MTUS1: variants seen among roughly 807,000 people sequenced by gnomAD.
MTUS1 encodes microtubule-associated tumor suppressor 1.
A neutral mutation model predicts 120.8 loss-of-function variants in MTUS1; 109 were observed. That is an observed-to-expected ratio of 0.90 (90% CI 0.77 to 1.06). MTUS1 has a LOEUF of 1.06. Ranked by LOEUF, MTUS1 falls within the 50% of genes least tolerant of loss-of-function variation. The pLI is 0.00. For synonymous variants in MTUS1, 737 were observed against 550.5 expected, an observed-to-expected ratio of 1.34 and a Z score of -4.74; for missense variants, 2,210 against 1,486.3, an observed-to-expected ratio of 1.49 and a Z score of -8.01.
chr8:17,789,670 C>A (rs946396721), intron 1 of MTUS1, among the ~76,000 whole-genome samples: 1 of 152,174 alleles, frequency 6.6e-6, no homozygotes, highest in African/African-American at 2.4e-5. Flanking sequence ...ACTTCCTGCA[C>A]CCTTTTCTTG....
At chr8:17,737,800 T>C (rs1050143384) in intron 3 of MTUS1, among the ~76,000 whole-genome samples, 1 of 152,340 alleles carries the variant, frequency 6.6e-6, no homozygotes, top group South Asian at 2.1e-4. Flanking sequence ...ACTTGGCTTT[T>C]AGAATAACTT....
At chr8:17,800,609 T>A (rs1029808235) in intron 1 of MTUS1, 2 of 152,154 alleles carry the variant, frequency 1.3e-5, no homozygotes, top group Non-Finnish European at 2.9e-5. Context: ...TTAATTAAGA[T>A]GAGATTTTTC....
intron 8 of MTUS1, among the ~76,000 whole-genome samples, chr8:17,666,064 C>T (rs1032259784): frequency 2.0e-5 from 3 of 150,096 alleles, no homozygotes; most frequent in Non-Finnish European, 4.4e-5. Flanking sequence ...AGCTCATTCA[C>T]TGGCCAGCAT....
At chr8:17,759,164 A>G (rs2048851998) in intron 1 of MTUS1, among the ~76,000 whole-genome samples, 1 of 152,048 alleles carries the variant, frequency 6.6e-6, no homozygotes, top group South Asian at 2.1e-4. Flanking sequence ...TACAGGCATG[A>G]GCCACCATGC....
intron 8 of MTUS1, among the ~76,000 whole-genome samples, chr8:17,668,061 TA>T (rs1811266646): frequency 6.6e-6 from 1 of 152,216 alleles, no homozygotes; most frequent in East Asian, 1.9e-4. Flanking sequence ...AGTTAGCTGT[TA>T]ATTGTGATGG....
intron 6 of MTUS1, among the ~76,000 whole-genome samples, chr8:17,701,881 A>C (rs113520351): frequency 6.6e-6 from 1 of 152,246 alleles, no homozygotes; most frequent in South Asian, 2.1e-4. Context: ...TTACTTACAC[A>C]TCAGACTGCT....
chr8:17,722,228 G>C, intron 4 of MTUS1: 1 of 1,001,054 alleles, frequency 1.0e-6, no homozygotes, highest in Non-Finnish European at 1.2e-6. Context: ...TACTGAAACG[G>C]TGGCCAAGTC....
At chr8:17,705,344 G>C (rs1186756182) in intron 6 of MTUS1, among the ~76,000 whole-genome samples, 1 of 152,080 alleles carries the variant, frequency 6.6e-6, no homozygotes, top group African/African-American at 2.4e-5. Context: ...TATTATACTA[G>C]TGTTCCTGGA....
intron 4 of MTUS1, among the ~76,000 whole-genome samples, chr8:17,719,357 T>G (rs1273192236): frequency 2.0e-5 from 3 of 152,240 alleles, no homozygotes; most frequent in Admixed American, 6.5e-5. Flanking sequence ...CCAGATCATC[T>G]GCCCACTTGG....
At position 17,753,827 on chromosome 8, in the gene MTUS1, T is replaced by C. The variant is rs1182189932; in HGVS notation, c.1981A>G (p.Arg661Gly). The C allele has an allele frequency of 6.2e-7, 1 of 1,614,142 alleles. No homozygotes were observed. The change falls in exon 2 of 15, where the codon AGG becomes GGG. Residue 661 changes from arginine (R) to glycine (G), a missense_variant. Physicochemically the swap from Arg to Gly is moderately radical, Grantham distance 125. Coordinates refer to ENST00000693296, the MANE Select transcript of MTUS1 (RefSeq NM_001363059.2). The part of the protein sequence containing the change: ...LEMTYVPNID[R>G]ISPEKKGEKE... ...TCACCCTTCTTTTCAGGGCTAATCC[T>C]ATCAATGTTGGGAACATAGGTCATT...
intron 6 of MTUS1, among the ~76,000 whole-genome samples, chr8:17,703,366 G>T (rs1379294197): frequency 6.6e-6 from 1 of 152,160 alleles, no homozygotes; most frequent in African/African-American, 2.4e-5. Context: ...GGGTGCGGTG[G>T]CTCACGCCTG....
Position 17,755,284 on chromosome 8 carries a change from T to C in MTUS1, c.524A>G (p.His175Arg), listed in dbSNP as rs780896740. The stretch of plus-strand genomic sequence containing the variant: ...GGACTGACTCTTTCCGATGGCATGA[T>C]GTGATATAAAGGTGCAGTTAACTTT... ...VDKVNCTFISHHAIGKSQSFH... is the reference protein window; with the variant it reads ...VDKVNCTFISRHAIGKSQSFH... Residue 175 changes from histidine to arginine, a missense_variant, in exon 2 of 15, where the codon CAT (histidine) becomes CGT (arginine). His to Arg is a conservative substitution (Grantham distance 29). Coordinates refer to ENST00000693296, the MANE Select transcript of MTUS1 (RefSeq NM_001363059.2). 1 of 1,614,134 alleles carries C rather than the reference T, an allele frequency of 6.2e-7. No individual in the cohort carries two copies. Among genetic ancestry groups the C allele is most frequent in the African/African-American group, 1.3e-5 (1 of 74,958 alleles).
At chr8:17,663,680 C>T (rs1409459671) in intron 8 of MTUS1, among the ~76,000 whole-genome samples, 2 of 152,148 alleles carry the variant, frequency 1.3e-5, no homozygotes, top group Admixed American at 6.5e-5. Context: ...ACTGCAACCT[C>T]GGCCTCCCAG....
At chr8:17,682,541 T>C (rs1337682345) in intron 7 of MTUS1, among the ~76,000 whole-genome samples, 1 of 136,244 alleles carries the variant, frequency 7.3e-6, no homozygotes, top group Non-Finnish European at 1.6e-5. Flanking sequence ...AAAAAAAAAG[T>C]TGCTATCATG....
rs754620638 is a variant in MTUS1, at chr8:17,665,184, G to A, written c.2906-9119C>T. Among the ~76,000 whole-genome samples, 3 of 152,318 alleles carry A rather than the reference G, an allele frequency of 2.0e-5. No homozygotes were observed. In the East Asian group the frequency reaches 5.8e-4, roughly 29 times the overall value. ...CAAGAAATTTTGCAGACAAGTGGTA[G>A]ACCAGGTTCTTTTTCTACATTTCCA... On this transcript the variant is annotated intron_variant, in intron 8 of 14. Transcript: ENST00000693296.
At chr8:17,653,546 C>T in intron 10 of MTUS1, 48 bp from the exon 11 acceptor site, 2 of 1,346,784 alleles carry the variant, frequency 1.5e-6, no homozygotes, top group South Asian at 1.2e-5. Flanking sequence ...TCTATGAGAT[C>T]AATGTACTCT....
intron 3 of MTUS1, among the ~76,000 whole-genome samples, chr8:17,726,653 C>T (rs2046248014): frequency 6.6e-6 from 1 of 152,080 alleles, no homozygotes; most frequent in Non-Finnish European, 1.5e-5. Flanking sequence ...TTCTTTACAT[C>T]CTTTACAATA....
chr8:17,674,686 GC>G (rs1430286472), intron 8 of MTUS1: 7 of 987,386 alleles, frequency 7.1e-6, no homozygotes, highest in Middle Eastern at 1.0e-3. Context: ...TGAACCATCA[GC>G]CCCCCTCCAA....
intron 2 of MTUS1, among the ~76,000 whole-genome samples, chr8:17,749,816 G>T (rs1167421345): frequency 6.6e-6 from 1 of 152,104 alleles, no homozygotes; most frequent in African/African-American, 2.4e-5. Context: ...CCTAAAATGT[G>T]TAAAAGCAAG....
Sources: allele counts gnomAD v4.1 joint callset (sites outside exome capture counted in the v4.1 genomes callset), GRCh38; gene constraint gnomAD v4.1.1; transcripts MANE v1.5; gene names NCBI Gene and HGNC (gene_info 2026-07-23, HGNC 2026-07-21).